The following DUSP5 variants were observed in gnomAD, a reference collection of about 807,000 sequenced individuals.
DUSP5 encodes dual specificity protein phosphatase 5.
DUSP5 carries 22 observed loss-of-function variants against 33.6 expected under a neutral mutation model. That is an observed-to-expected ratio of 0.66 (90% CI 0.47 to 0.94). The LOEUF is 0.94. Among genes scored for constraint, DUSP5 ranks in the 40% least tolerant of loss-of-function variants. The probability of loss-of-function intolerance (pLI) is 0.00; values close to 1 mark genes in which losing one functional copy is unlikely to be tolerated. For synonymous variants in DUSP5, 270 were observed against 231.1 expected (o/e 1.17, Z -1.53); for missense variants, 551 against 522.1 (o/e 1.06, Z -0.54).
intron 2 of DUSP5, 61 bp from the exon 3 acceptor site, chr10:110,506,874 C>A: frequency 2.8e-6 from 4 of 1,432,100 alleles, no homozygotes; most frequent in Non-Finnish European, 3.9e-6. Context: ...GTTGTTTTTT[C>A]CTCTCTCAAA....
intron 1 of DUSP5, 40 bp downstream of exon 1, chr10:110,498,540 GC>G (rs1402097421): frequency 9.3e-6 from 13 of 1,403,424 alleles, no homozygotes; most frequent in South Asian, 7.6e-5. Flanking sequence ...CCCCTCCGGC[GC>G]CCCCGGGTCC....
At position 110,498,312 on chromosome 10, in the gene DUSP5, A is replaced by G. The variant is rs773512860; in HGVS notation, c.191A>G (p.Tyr64Cys). Residue 64 changes from tyrosine to cysteine, a missense_variant, in exon 1 of 4, where the codon TAC becomes TGC. Coordinates refer to ENST00000369583, the MANE Select transcript of DUSP5 (RefSeq NM_004419.4). ...RARGGAVSAR[Y>C]VLPDEAARAR... ...CGGGGCGGCGCGGTGTCGGCGCGCT[A>G]CGTGCTGCCCGACGAGGCGGCGCGC... The G allele has an allele frequency of 1.4e-6, 2 of 1,421,072 alleles. No individual in the cohort carries two copies. Among genetic ancestry groups the G allele is most frequent in the South Asian group, 1.5e-5 (1 of 65,254 alleles). 88.0% of individuals were successfully genotyped at this position (1,421,072 alleles called of 1,614,324 possible).
intron 2 of DUSP5, 89 bp downstream of exon 2, chr10:110,502,958 C>T (rs1860074409): frequency 6.5e-7 from 1 of 1,532,172 alleles, no homozygotes; most frequent in Admixed American, 1.9e-5. Flanking sequence ...GTTCTCTCCC[C>T]ACTCAGCAAT....
chr10:110,506,736 G>A (rs1860123663), intron 2 of DUSP5, among the ~76,000 whole-genome samples, 199 bp from the exon 3 acceptor site: 1 of 152,212 alleles, frequency 6.6e-6, no homozygotes, highest in Non-Finnish European at 1.5e-5. Context: ...GAGTCACAAG[G>A]CAGTCACATA....
At chr10:110,499,199 C>T (rs1860006823) in intron 1 of DUSP5, among the ~76,000 whole-genome samples, 1 of 152,018 alleles carries the variant, frequency 6.6e-6, no homozygotes, top group South Asian at 2.1e-4. Context: ...TAGAGGTGCG[C>T]GGGGGCAGGG....
chr10:110,504,157 A>C (rs2134660491), intron 2 of DUSP5, among the ~76,000 whole-genome samples: 1 of 152,322 alleles, frequency 6.6e-6, no homozygotes, highest in East Asian at 1.9e-4. Flanking sequence ...TTTTCCCCCC[A>C]TTTCTCAGAA....
chr10:110,506,337 C>T (rs1403304950), intron 2 of DUSP5, among the ~76,000 whole-genome samples: 1 of 152,056 alleles, frequency 6.6e-6, no homozygotes, highest in Non-Finnish European at 1.5e-5. Context: ...GAGACTGAGA[C>T]GGTAGGATCT....
At chr10:110,509,041 TGC>T in intron 3 of DUSP5, among the ~76,000 whole-genome samples, 1 of 152,342 alleles carries the variant, frequency 6.6e-6, no homozygotes, top group East Asian at 1.9e-4. Context: ...TATTGTAGCC[TGC>T]GTAGTGCCAG....
At chr10:110,508,392 C>T (rs1330505751) in intron 3 of DUSP5, among the ~76,000 whole-genome samples, 1 of 152,146 alleles carries the variant, frequency 6.6e-6, no homozygotes, top group African/African-American at 2.4e-5. Context: ...ACGCCCCCAT[C>T]CAGTTCTCAG....
At chr10:110,507,818 G>A (rs951448383) in intron 3 of DUSP5, among the ~76,000 whole-genome samples, 3 of 152,220 alleles carry the variant, frequency 2.0e-5, no homozygotes, top group African/African-American at 7.2e-5. Flanking sequence ...TGGCCTTAGG[G>A]TTTCCAGGTC....
Position 110,502,884 on chromosome 10 carries a change from G to A in DUSP5, c.528+15G>A. The A allele has an allele frequency of 6.2e-7, 1 of 1,614,040 alleles. No homozygotes were observed. Among genetic ancestry groups the A allele is most frequent in the Non-Finnish European group, 8.5e-7 (1 of 1,179,954 alleles). On this transcript the variant is annotated intron_variant, in intron 2 of 3. Transcript: ENST00000369583. ...CTTATGACCAGGTACGTGATGTGAT[G>A]GGGAAGAGGTATCCTGAGTGGTATT...
At chr10:110,500,261 G>T (rs1308505383) in intron 1 of DUSP5, among the ~76,000 whole-genome samples, 1 of 152,058 alleles carries the variant, frequency 6.6e-6, no homozygotes, top group Non-Finnish European at 1.5e-5. Flanking sequence ...ACATTGAACC[G>T]GTCTCCTGTA....
At chr10:110,502,450 T>A (rs894384775) in intron 1 of DUSP5, among the ~76,000 whole-genome samples, 7 of 152,246 alleles carry the variant, frequency 4.6e-5, no homozygotes, top group African/African-American at 1.7e-4. Flanking sequence ...CTAGACACTT[T>A]CTTTCACAGT....
Position 110,510,666 on chromosome 10 carries a change from C to T in DUSP5, c.*240C>T, listed in dbSNP as rs1564775030. Reference sequence around the variant, plus strand: ...CAGCATGTGCTGACTACTGTACTTCCAGACCCCTGCCCTCTTGGGACTGCC... The same window carrying T: ...CAGCATGTGCTGACTACTGTACTTCTAGACCCCTGCCCTCTTGGGACTGCC... On this transcript the variant is annotated 3_prime_UTR_variant, in exon 4 of 4. Coordinates refer to ENST00000369583, the MANE Select transcript of DUSP5 (RefSeq NM_004419.4). The T allele has an allele frequency of 9.9e-6, 5 of 507,370 alleles. 1 individual carries two copies. The East Asian group carries it at 1.3e-4, about 13-fold the overall frequency. 31.4% of individuals were successfully genotyped at this position (507,370 alleles called of 1,614,324 possible).
intron 3 of DUSP5, 95 bp from the exon 4 acceptor site, chr10:110,509,925 C>G: frequency 6.8e-7 from 1 of 1,476,756 alleles, no homozygotes; most frequent in Middle Eastern, 2.1e-4. Context: ...ACAACAGTTT[C>G]ATATCTAGGT....
At chr10:110,499,142 C>T (rs1387928107) in intron 1 of DUSP5, among the ~76,000 whole-genome samples, 1 of 152,118 alleles carries the variant, frequency 6.6e-6, no homozygotes, top group Admixed American at 6.5e-5. Flanking sequence ...CCAGGATTAT[C>T]CCTGGGACCC....
intron 1 of DUSP5, among the ~76,000 whole-genome samples, chr10:110,500,891 A>G (rs1243378041): frequency 6.6e-6 from 1 of 152,208 alleles, no homozygotes; most frequent in Non-Finnish European, 1.5e-5. Context: ...TCCCTCAACT[A>G]AATTTTGTCA....
At chr10:110,500,260 C>T (rs1409165829) in intron 1 of DUSP5, among the ~76,000 whole-genome samples, 4 of 152,176 alleles carry the variant, frequency 2.6e-5, no homozygotes, top group African/African-American at 9.7e-5. Context: ...CACATTGAAC[C>T]GGTCTCCTGT....
In DUSP5 at chr10:110,498,275, C is replaced by T. The variant is rs1237320240; in HGVS notation, c.154C>T (p.Leu52=). 1 of 1,467,740 alleles carries T rather than the reference C, an allele frequency of 6.8e-7. No individual in the cohort carries two copies. Among genetic ancestry groups the T allele is most frequent in the Non-Finnish European group, 9.1e-7 (1 of 1,104,052 alleles). 90.9% of individuals were successfully genotyped at this position (1,467,740 alleles called of 1,614,324 possible). Residue 52 remains leucine (L), a synonymous_variant, in exon 1 of 4, where the codon CTG becomes TTG. Transcript: ENST00000369583. ...CAACGTCAACCTCAACTCGGTGGTG[C>T]TGCGGCGGGCCCGGGGCGGCGCGGT... ...SLNVNLNSVV[L]RRARGGAVSA... is the part of the protein sequence containing the mutation.
Sources: gnomAD v4.1 joint callset for allele counts (sites outside exome capture counted in the v4.1 genomes callset) on GRCh38, gnomAD v4.1.1 for gene constraint, MANE v1.5 for transcripts, NCBI Gene and HGNC (gene_info 2026-07-23, HGNC 2026-07-21) for gene names.